The following CCSER1 variants were observed in gnomAD, a reference collection of about 807,000 sequenced individuals.
CCSER1 encodes the protein serine-rich coiled-coil domain-containing protein 1.
A neutral mutation model predicts 82.0 loss-of-function variants in CCSER1; 41 were observed. That is an observed-to-expected ratio of 0.50 (90% CI 0.39 to 0.65). The LOEUF is 0.65. CCSER1 is among the 30% of genes least tolerant of loss of function. CCSER1 has a pLI of 0.00. For synonymous variants in CCSER1, 414 were observed against 383.9 expected (o/e 1.08, Z -0.92); for missense variants, 1,119 against 1,064.2 (o/e 1.05, Z -0.72).
At chr4:91,451,384 T>C (rs1380801568) in intron 10 of CCSER1, among the ~76,000 whole-genome samples, 1 of 152,014 alleles carries the variant, frequency 6.6e-6, no homozygotes, top group Admixed American at 6.6e-5. Context: ...AGCATCATAC[T>C]ATTTCCAACT....
rs1729924313 is a variant in CCSER1 at position 90,163,748 on chromosome 4, T to G, written c.-42+35917T>G. ...ATGAGGTGTAGATTATTATAAATGC[T>G]CTAACTTTTTCCAGATTTGCTCCCC... On this transcript the variant is annotated intron_variant, in intron 1 of 10. Transcript: ENST00000509176. 3.3e-5 allele frequency among the ~76,000 whole-genome samples: 5 copies of G among 151,840 alleles called. No homozygotes were observed. The South Asian group carries it at 1.0e-3, about 32-fold the overall frequency.
rs1282438032 is a variant in CCSER1, at chr4:90,659,076, T to C, written c.1932+30844T>C. Reference sequence around the variant, plus strand: ...TTGATTTTCACAACAACCAATGATATGAGAGGGCTTTTTTTTTTTTTTTGA... The same window carrying C: ...TTGATTTTCACAACAACCAATGATACGAGAGGGCTTTTTTTTTTTTTTTGA... On this transcript the variant is annotated intron_variant, in intron 6 of 10. Coordinates refer to ENST00000509176, the MANE Select transcript of CCSER1 (RefSeq NM_001145065.2). Among the ~76,000 whole-genome samples the C allele has an allele frequency of 2.4e-5, 3 of 122,884 alleles. No homozygotes were observed. In the East Asian group the frequency reaches 7.9e-4, roughly 32 times the overall value. The allele number at this position is 122,884 out of a possible 152,430, so 80.6% of individuals were successfully genotyped here.
intron 10 of CCSER1, among the ~76,000 whole-genome samples, chr4:91,172,138 A>G (rs1264855466): frequency 6.6e-6 from 1 of 152,174 alleles, no homozygotes; most frequent in African/African-American, 2.4e-5. Flanking sequence ...AAAACCTATG[A>G]CCCTTGCAAC....
chr4:91,482,675 C>G (rs1322136349), intron 10 of CCSER1, among the ~76,000 whole-genome samples: 1 of 151,918 alleles, frequency 6.6e-6, no homozygotes, highest in South Asian at 2.1e-4. Context: ...TTCACAATAG[C>G]AAAGACTTGC....
chr4:91,201,712 T>G (rs1008792154), intron 10 of CCSER1, among the ~76,000 whole-genome samples: 2 of 152,024 alleles, frequency 1.3e-5, no homozygotes, highest in African/African-American at 2.4e-5. Context: ...CTTAGTGTAT[T>G]GGTTGGTGGC....
chr4:90,271,826 TTATATATATATATATATATATA>T (rs1189309598), intron 1 of CCSER1, among the ~76,000 whole-genome samples: 6,351 of 42,954 alleles, frequency 0.15, 718 homozygotes, highest in East Asian at 0.3. Context: ...ACTGGACAAT[TTATATATATATATATATATATA>T]TATATATATA....
At chr4:91,385,880 G>T (rs1157306996) in intron 10 of CCSER1, among the ~76,000 whole-genome samples, 1 of 151,898 alleles carries the variant, frequency 6.6e-6, no homozygotes, top group Non-Finnish European at 1.5e-5. Flanking sequence ...TTATCAGTAA[G>T]AAGTCATGAT....
rs1158111780 is a variant in CCSER1 at position 90,227,418 on chromosome 4, T to G, written c.-41-80826T>G. Among the ~76,000 whole-genome samples the G allele has an allele frequency of 5.3e-5, 8 of 152,236 alleles. No individual in the cohort carries two copies. In the East Asian group the frequency reaches 1.5e-3, roughly 29 times the overall value. ...GCATTCGTCTTATAGTCCTTAAAAT[T>G]TATTTTACTTCCTAATATTTGTAAC... On this transcript the variant is annotated intron_variant, in intron 1 of 10. Coordinates refer to ENST00000509176, the MANE Select transcript of CCSER1 (RefSeq NM_001145065.2).
chr4:90,136,396 C>G (rs904879547), intron 1 of CCSER1, among the ~76,000 whole-genome samples: 7 of 152,138 alleles, frequency 4.6e-5, no homozygotes, highest in Admixed American at 6.6e-5. Context: ...GCTAAGTGTA[C>G]TACTCTAATT....
At chr4:91,514,467 G>T (rs529903449) in intron 10 of CCSER1, among the ~76,000 whole-genome samples, 19 of 152,126 alleles carry the variant, frequency 1.2e-4, no homozygotes, top group Admixed American at 5.2e-4. Flanking sequence ...TGTCTGTTAG[G>T]TTGATCAAGT....
chr4:90,302,634 C>T (rs1194955532), intron 1 of CCSER1, among the ~76,000 whole-genome samples: 1 of 152,026 alleles, frequency 6.6e-6, no homozygotes, highest in Non-Finnish European at 1.5e-5. Context: ...GACTCTGTCT[C>T]TATGAAATTT....
Position 90,628,080 on chromosome 4 carries a change from A to G in CCSER1, c.1780A>G (p.Ile594Val). Residue 594 changes from isoleucine (I) to valine (V), a missense_variant, in exon 6 of 11, where the codon ATC (isoleucine) becomes GTC (valine). Coordinates refer to ENST00000509176, the MANE Select transcript of CCSER1 (RefSeq NM_001145065.2). The stretch of plus-strand genomic sequence containing the variant: ...TGATCAAGAAGCCAGGTGTTCCCAC[A>G]TCAGCCGAATGCCCAACAGTCCATC... ...DVDQEARCSH[I>V]SRMPNSPSAD... 4.3e-6 allele frequency: 7 copies of G among 1,613,716 alleles called. No individual in the cohort carries two copies. Among genetic ancestry groups the G allele is most frequent in the Non-Finnish European group, 5.9e-6 (7 of 1,179,710 alleles).
chr4:91,128,833 G>A lies in CCSER1; in HGVS notation c.2217+42839G>A, dbSNP rs554549262. Among the ~76,000 whole-genome samples the A allele has an allele frequency of 5.3e-5, 8 of 152,154 alleles. No individual in the cohort carries two copies. In the East Asian group the frequency reaches 5.8e-4, roughly 11 times the overall value. On this transcript the variant is annotated intron_variant, in intron 10 of 10. Coordinates refer to ENST00000509176, the MANE Select transcript of CCSER1 (RefSeq NM_001145065.2). ...TCATTCAAGATGACTTACATTCTAC[G>A]CCAAATATTGTGAATTTTCTCAGGT...
chr4:91,198,825 T>G (rs1291792401), intron 10 of CCSER1, among the ~76,000 whole-genome samples: 4 of 152,166 alleles, frequency 2.6e-5, no homozygotes, highest in Admixed American at 2.0e-4. Flanking sequence ...CAAAAGGGTT[T>G]TTATTTGCTG....
chr4:91,149,747 A>G (rs1347896344), intron 10 of CCSER1, among the ~76,000 whole-genome samples: 1 of 152,132 alleles, frequency 6.6e-6, no homozygotes, highest in East Asian at 1.9e-4. Context: ...TCCTTTCCCC[A>G]TTTCTTGTTT....
intron 3 of CCSER1, among the ~76,000 whole-genome samples, chr4:90,381,134 G>A (rs1749142559): frequency 6.6e-6 from 1 of 152,222 alleles, no homozygotes. Flanking sequence ...TGAGGGCAGA[G>A]TGGCCATGAC....
chr4:90,827,186 C>G (rs2149808164), intron 8 of CCSER1, among the ~76,000 whole-genome samples: 1 of 152,326 alleles, frequency 6.6e-6, no homozygotes, highest in South Asian at 2.1e-4. Context: ...CAGAGAAAAT[C>G]TCAGAACCAG....
intron 10 of CCSER1, among the ~76,000 whole-genome samples, chr4:91,160,070 C>T (rs1281134356): frequency 6.7e-6 from 1 of 148,564 alleles, no homozygotes; most frequent in Non-Finnish European, 1.5e-5. Context: ...TGACAGGCCC[C>T]CATGTGTGAT....
chr4:91,518,129 A>G (rs1047086464), intron 10 of CCSER1, among the ~76,000 whole-genome samples: 3 of 152,282 alleles, frequency 2.0e-5, no homozygotes, highest in African/African-American at 7.2e-5. Context: ...GGCTGCATGC[A>G]GCAGCTCTGG....
Sources: gnomAD v4.1 joint callset for allele counts (sites outside exome capture counted in the v4.1 genomes callset) on GRCh38, gnomAD v4.1.1 for gene constraint, MANE v1.5 for transcripts, NCBI Gene and HGNC (gene_info 2026-07-23, HGNC 2026-07-21) for gene names.